DOCK3: variants seen among roughly 807,000 people sequenced by gnomAD.
DOCK3 encodes dedicator of cytokinesis 3, also known as dedicator of cytokinesis protein 3.
In DOCK3, 60 loss-of-function variants were observed where a neutral mutation model predicts 265.6. The observed-to-expected ratio is 0.23, with a 90% CI of 0.18 to 0.28. DOCK3 has a LOEUF of 0.28. DOCK3 is among the 10% of genes least tolerant of loss of function. DOCK3 has a pLI of 1.00. For synonymous variants in DOCK3, 881 were observed against 938.0 expected (o/e 0.94, Z 1.11); for missense variants, 1,981 against 2,594.3 (o/e 0.76, Z 5.14).
intron 9 of DOCK3, among the ~76,000 whole-genome samples, chr3:51,108,997 G>T (rs1008822243): frequency 6.6e-6 from 1 of 152,086 alleles, no homozygotes; most frequent in Non-Finnish European, 1.5e-5. Flanking sequence ...GTGAAGATAT[G>T]CAGGACCTGA....
intron 1 of DOCK3, among the ~76,000 whole-genome samples, chr3:50,735,001 T>C (rs1376203538): frequency 6.6e-6 from 1 of 152,248 alleles, no homozygotes; most frequent in Non-Finnish European, 1.5e-5. Flanking sequence ...AAGATAGGTC[T>C]AGTGTTGATG....
chr3:51,053,985 C>T (rs1355991112), intron 5 of DOCK3, among the ~76,000 whole-genome samples: 1 of 151,774 alleles, frequency 6.6e-6, no homozygotes, highest in Non-Finnish European at 1.5e-5. Context: ...ATGGACTCTG[C>T]CACCTTCTTT....
At chr3:51,051,409 C>T (rs2080989153) in intron 5 of DOCK3, among the ~76,000 whole-genome samples, 1 of 152,174 alleles carries the variant, frequency 6.6e-6, no homozygotes, top group African/African-American at 2.4e-5. Flanking sequence ...AGGCTCAGAG[C>T]AGAGTGTCTT....
rs1389193397 is a variant in DOCK3 at position 51,383,106 on chromosome 3, C to T, written c.*1547C>T. On this transcript the variant is annotated 3_prime_UTR_variant, in exon 53 of 53. Coordinates refer to ENST00000266037, the MANE Select transcript of DOCK3 (RefSeq NM_004947.5). ...CAGGCCCTGGGCCCAAGCCCCTTGT[C>T]CCTTCTCCACTGCCCCTCTTTCCAG... 1 of 152,236 alleles carries T rather than the reference C, an allele frequency of 6.6e-6. No individual in the cohort carries two copies. The highest frequency in any genetic ancestry group is 1.9e-4 in the East Asian group (1 of 5,194). 9.4% of individuals were successfully genotyped at this position (152,236 alleles called of 1,614,324 possible). A position where few individuals can be genotyped will look rare whatever the true frequency, so the allele number is the denominator to read the frequency against.
At chr3:51,249,161 G>GCCC (rs530870467) in intron 22 of DOCK3, among the ~76,000 whole-genome samples, 3 of 118,056 alleles carry the variant, frequency 2.5e-5, no homozygotes, top group Non-Finnish European at 5.3e-5. Context: ...GGGGGGGTCA[G>GCCC]CCCCCCGCCA....
At chr3:51,063,550 A>C (rs1235583730) in intron 5 of DOCK3, among the ~76,000 whole-genome samples, 1 of 152,224 alleles carries the variant, frequency 6.6e-6, no homozygotes, top group African/African-American at 2.4e-5. Flanking sequence ...GGTAAATCTC[A>C]TACAGATATT....
At chr3:50,736,696 CTT>C (rs200155311) in intron 1 of DOCK3, among the ~76,000 whole-genome samples, 464 of 128,270 alleles carry the variant, frequency 3.6e-3, no homozygotes, top group East Asian at 0.013. Context: ...GCATAAATGT[CTT>C]TTTTTTTTTT....
chr3:51,362,021 G>C (rs764455242), intron 48 of DOCK3, 24 bp downstream of exon 48: 2 of 1,590,480 alleles, frequency 1.3e-6, no homozygotes, highest in African/African-American at 2.7e-5. Flanking sequence ...CACGGAGAGT[G>C]GGCCAGGGCA....
intron 9 of DOCK3, among the ~76,000 whole-genome samples, chr3:51,121,000 C>T (rs1442950222): frequency 6.6e-6 from 1 of 152,078 alleles, no homozygotes; most frequent in Non-Finnish European, 1.5e-5. Context: ...GCGTTTCAGG[C>T]ACCACTGGGG....
intron 27 of DOCK3, among the ~76,000 whole-genome samples, chr3:51,307,639 A>G (rs1219143564): frequency 6.6e-6 from 1 of 152,040 alleles, no homozygotes; most frequent in Non-Finnish European, 1.5e-5. Context: ...CTGCTTGCCC[A>G]GAGCCTCAAG....
At chr3:51,373,287 T>A (rs1362028297) in intron 49 of DOCK3, among the ~76,000 whole-genome samples, 1 of 152,144 alleles carries the variant, frequency 6.6e-6, no homozygotes, top group African/African-American at 2.4e-5. Context: ...AGCTGCAGAT[T>A]GACCCCAGCT....
intron 9 of DOCK3, among the ~76,000 whole-genome samples, chr3:51,117,640 G>A (rs1438363973): frequency 1.3e-5 from 2 of 152,184 alleles, no homozygotes; most frequent in East Asian, 3.9e-4. Flanking sequence ...CTCCATTTCA[G>A]AACTTGTTGG....
intron 5 of DOCK3, among the ~76,000 whole-genome samples, chr3:50,959,821 C>G (rs553385539): frequency 2.0e-5 from 3 of 152,058 alleles, no homozygotes; most frequent in South Asian, 2.1e-4. Flanking sequence ...ACCTCGTGAT[C>G]TGCCCACCTC....
chr3:50,682,385 C>G (rs189871322), intron 1 of DOCK3, among the ~76,000 whole-genome samples: 48 of 152,282 alleles, frequency 3.2e-4, no homozygotes, highest in Non-Finnish European at 4.3e-4. Flanking sequence ...ATTGTTCCTT[C>G]TACACAGAGT....
At chr3:51,269,182 AATATAC>A (rs918176657) in intron 23 of DOCK3, among the ~76,000 whole-genome samples, 5 of 147,824 alleles carry the variant, frequency 3.4e-5, no homozygotes, top group East Asian at 3.9e-4. Context: ...TACATATAAT[AATATAC>A]ATATATATGC....
At chr3:51,158,528 G>A (rs1199663241) in intron 10 of DOCK3, among the ~76,000 whole-genome samples, 1 of 152,136 alleles carries the variant, frequency 6.6e-6, no homozygotes, top group Non-Finnish European at 1.5e-5. Flanking sequence ...TGGTGACAGA[G>A]CAAGATCTTG....
intron 22 of DOCK3, among the ~76,000 whole-genome samples, chr3:51,249,162 C>CG (rs1273094902): frequency 2.2e-4 from 3 of 13,350 alleles, no homozygotes; most frequent in African/African-American, 1.0e-3. Flanking sequence ...GGGGGGTCAG[C>CG]CCCCCGCCAG....
chr3:51,354,351 TG>T (rs1444643668), intron 40 of DOCK3, among the ~76,000 whole-genome samples: 3 of 151,912 alleles, frequency 2.0e-5, no homozygotes, highest in African/African-American at 7.3e-5. Flanking sequence ...TGGCTGGCCC[TG>T]TGATGCCTCT....
intron 22 of DOCK3, among the ~76,000 whole-genome samples, chr3:51,259,436 G>T (rs965931539): frequency 2.0e-5 from 3 of 152,006 alleles, no homozygotes; most frequent in Admixed American, 6.6e-5. Context: ...TCTTGAATTT[G>T]TTCTCTTAAA....
Sources: gnomAD v4.1 joint callset for allele counts (sites outside exome capture counted in the v4.1 genomes callset) on GRCh38, gnomAD v4.1.1 for gene constraint, MANE v1.5 for transcripts, NCBI Gene and HGNC (gene_info 2026-07-23, HGNC 2026-07-21) for gene names.